KAZN: variants seen among roughly 807,000 people sequenced by gnomAD.
KAZN encodes kazrin, periplakin interacting protein.
A neutral mutation model predicts 87.4 loss-of-function variants in KAZN; 40 were observed. That is an observed-to-expected ratio of 0.46 (90% CI 0.36 to 0.60). The LOEUF (loss-of-function observed/expected upper bound fraction) is 0.60, where lower values mean the gene tolerates loss of function less well. KAZN is among the 20% of genes least tolerant of loss of function. The probability of loss-of-function intolerance (pLI) is 0.00; values close to 1 mark genes in which losing one functional copy is unlikely to be tolerated. For synonymous variants in KAZN, 466 were observed against 458.3 expected (o/e 1.02, Z -0.22); for missense variants, 898 against 1,073.9 (o/e 0.84, Z 2.29).
intron 13 of KAZN, among the ~76,000 whole-genome samples, chr1:15,104,898 C>G (rs1641242665): frequency 1.3e-5 from 2 of 152,198 alleles, no homozygotes; most frequent in South Asian, 4.1e-4. Flanking sequence ...GCCCAAGATA[C>G]ACAGCTAGTA....
At chr1:14,873,756 C>T (rs1238475625) in intron 1 of KAZN, among the ~76,000 whole-genome samples, 2 of 152,182 alleles carry the variant, frequency 1.3e-5, no homozygotes, top group Non-Finnish European at 2.9e-5. Context: ...AATAAGGAAG[C>T]TACTGCAATC....
chr1:14,396,013 C>T (rs190643099), intron 2 of KAZN, among the ~76,000 whole-genome samples: 10 of 151,790 alleles, frequency 6.6e-5, no homozygotes, highest in East Asian at 3.9e-4. Flanking sequence ...ACAAAAAATA[C>T]AAAAATTAGC....
intron 2 of KAZN, among the ~76,000 whole-genome samples, chr1:14,539,881 T>C (rs1012433437): frequency 6.6e-6 from 1 of 152,222 alleles, no homozygotes; most frequent in African/African-American, 2.4e-5. Flanking sequence ...AAAGTCACCA[T>C]CCCAATTAAG....
intron 13 of KAZN, 26 bp downstream of exon 13, chr1:15,104,215 T>C: frequency 6.5e-7 from 1 of 1,548,778 alleles, no homozygotes; most frequent in Non-Finnish European, 8.7e-7. Context: ...GATCCAGTCA[T>C]GTGGGCTGCT....
intron 1 of KAZN, among the ~76,000 whole-genome samples, chr1:14,921,069 G>T (rs1434983598): frequency 6.6e-6 from 1 of 152,036 alleles, no homozygotes; most frequent in Non-Finnish European, 1.5e-5. Context: ...AGCTGAGTAA[G>T]GGGGGCATGG....
intron 2 of KAZN, among the ~76,000 whole-genome samples, chr1:14,303,612 C>G (rs1654712597): frequency 6.6e-6 from 1 of 152,192 alleles, no homozygotes; most frequent in African/African-American, 2.4e-5. Context: ...AACCCTGACC[C>G]TCATATGTCC....
At chr1:14,687,017 C>T (rs1017006811) in intron 1 of KAZN, among the ~76,000 whole-genome samples, 2 of 152,168 alleles carry the variant, frequency 1.3e-5, no homozygotes, top group Non-Finnish European at 2.9e-5. Flanking sequence ...AGATCCATAA[C>T]AGCTGCCTGG....
At chr1:14,825,283 C>A (rs1435722492) in intron 1 of KAZN, among the ~76,000 whole-genome samples, 2 of 152,246 alleles carry the variant, frequency 1.3e-5, no homozygotes, top group Non-Finnish European at 2.9e-5. Flanking sequence ...ACTTCTGTGG[C>A]TCCACCTGGA....
At chr1:14,403,217 A>G (rs1663567377) in intron 2 of KAZN, among the ~76,000 whole-genome samples, 2 of 152,240 alleles carry the variant, frequency 1.3e-5, no homozygotes, top group Non-Finnish European at 2.9e-5. Context: ...TGGTGCTGGG[A>G]GAATTAGCTT....
chr1:15,060,456 A>G, intron 6 of KAZN, 154 bp downstream of exon 6: 2 of 1,021,970 alleles, frequency 2.0e-6, no homozygotes, highest in African/African-American at 1.6e-5. Flanking sequence ...TTCCTTTTGC[A>G]AGAAGCGATG....
chr1:14,433,907 G>A (rs1159641783), intron 2 of KAZN, among the ~76,000 whole-genome samples: 1 of 152,164 alleles, frequency 6.6e-6, no homozygotes, highest in Admixed American at 6.5e-5. Flanking sequence ...TCTTCCTCTG[G>A]ATGTGCACAT....
chr1:14,708,463 G>A (rs951664549), intron 1 of KAZN, among the ~76,000 whole-genome samples: 5 of 152,118 alleles, frequency 3.3e-5, no homozygotes, highest in Admixed American at 2.6e-4. Flanking sequence ...TTCTAGATAC[G>A]GGGGCAATAT....
chr1:14,924,908 C>G (rs1185855869), intron 1 of KAZN, among the ~76,000 whole-genome samples: 1 of 152,152 alleles, frequency 6.6e-6, no homozygotes. Context: ...CAGCCCTGCG[C>G]GAAGTTGGTT....
chr1:14,700,166 C>G (rs1397900752), intron 1 of KAZN, among the ~76,000 whole-genome samples: 1 of 152,118 alleles, frequency 6.6e-6, no homozygotes, highest in African/African-American at 2.4e-5. Context: ...AATGGCAATG[C>G]CTGTGTACTA....
chr1:14,802,494 TG>T lies in KAZN; in HGVS notation c.227-158183del, dbSNP rs148726830. Among the ~76,000 whole-genome samples the T allele has an allele frequency of 5.4e-3, 816 of 151,836 alleles. 10 individuals are homozygous for T. Among genetic ancestry groups the T allele is most frequent in the African/African-American group, 0.019 (779 of 41,384 alleles). On this transcript the variant is annotated intron_variant, in intron 1 of 14. Transcript: ENST00000376030. ...ATGTGTCTGGTTGGCACAACTGGTATGGGGGGGTTACTAGTGAGATCTGGTC... is the reference window on the plus strand; with the variant it reads ...ATGTGTCTGGTTGGCACAACTGGTATGGGGGGTTACTAGTGAGATCTGGTC...
intron 2 of KAZN, among the ~76,000 whole-genome samples, chr1:14,254,210 T>C (rs1182969042): frequency 6.6e-6 from 1 of 152,184 alleles, no homozygotes; most frequent in African/African-American, 2.4e-5. Context: ...TTTGGCTGGA[T>C]AAGGGTAATG....
At chr1:14,590,687 G>A (rs1414020305) in intron 2 of KAZN, among the ~76,000 whole-genome samples, 4 of 152,104 alleles carry the variant, frequency 2.6e-5, no homozygotes, top group African/African-American at 7.2e-5. Flanking sequence ...TTACAGCCAC[G>A]GTCTTCATCA....
At chr1:14,972,039 A>G (rs1402625681) in intron 2 of KAZN, among the ~76,000 whole-genome samples, 8 of 152,152 alleles carry the variant, frequency 5.3e-5, no homozygotes. Flanking sequence ...TCAGCTTTTA[A>G]TTAATCCACC....
chr1:15,101,164 T>TTCTCTCTC (rs143288616), intron 10 of KAZN, among the ~76,000 whole-genome samples: 27,405 of 127,656 alleles, frequency 0.21, 3,556 homozygotes, highest in Non-Finnish European at 0.23. Context: ...GTCTCGGTCT[T>TTCTCTCTC]TCTCTCTCTC....
Sources: gnomAD v4.1 joint callset for allele counts (sites outside exome capture counted in the v4.1 genomes callset) on GRCh38, gnomAD v4.1.1 for gene constraint, MANE v1.5 for transcripts, NCBI Gene and HGNC (gene_info 2026-07-23, HGNC 2026-07-21) for gene names.